The following ALDH1A2 variants were observed in gnomAD, a reference collection of about 807,000 sequenced individuals.
ALDH1A2 encodes retinal dehydrogenase 2.
Under a neutral mutation model 60.3 loss-of-function variants are expected in ALDH1A2, and 27 were observed. The ratio of observed to expected loss-of-function variants is 0.45; its 90% CI spans 0.33 to 0.62. The LOEUF is 0.62. Ranked by LOEUF, ALDH1A2 falls within the 20% of genes least tolerant of loss-of-function variation. The probability of loss-of-function intolerance (pLI) is 0.02; values close to 1 mark genes in which losing one functional copy is unlikely to be tolerated. For synonymous variants in ALDH1A2, 289 were observed against 232.4 expected, an observed-to-expected ratio of 1.24 and a Z score of -2.21; for missense variants, 581 against 643.8, an observed-to-expected ratio of 0.90 and a Z score of 1.06.
chr15:58,007,618 CATAG>C (rs1895502138), intron 4 of ALDH1A2, among the ~76,000 whole-genome samples: 2 of 151,972 alleles, frequency 1.3e-5, no homozygotes, highest in Non-Finnish European at 2.9e-5. Context: ...CACAGAATCA[CATAG>C]ATATTGTACA....
At chr15:57,981,325 C>CAG (rs1247787113) in intron 7 of ALDH1A2, among the ~76,000 whole-genome samples, 3 of 145,104 alleles carry the variant, frequency 2.1e-5, no homozygotes, top group African/African-American at 8.5e-5. Context: ...CACACACACA[C>CAG]ACAGACACAC....
intron 1 of ALDH1A2, among the ~76,000 whole-genome samples, chr15:58,023,257 T>A (rs1390171660): frequency 3.3e-5 from 5 of 152,186 alleles, no homozygotes; most frequent in Non-Finnish European, 7.3e-5. Context: ...GACAGGTCTT[T>A]TGAAATAATC....
chr15:58,030,782 T>A (rs531952209), intron 1 of ALDH1A2, among the ~76,000 whole-genome samples: 1 of 152,140 alleles, frequency 6.6e-6, no homozygotes, highest in African/African-American at 2.4e-5. Flanking sequence ...CCATTCATAA[T>A]TGCTAGAAAA....
intron 4 of ALDH1A2, among the ~76,000 whole-genome samples, chr15:57,996,663 T>A (rs1895075835): frequency 6.6e-6 from 1 of 151,988 alleles, no homozygotes; most frequent in South Asian, 2.1e-4. Flanking sequence ...AAGACTATCA[T>A]TACAAACATA....
At chr15:58,004,485 C>T (rs1188039566) in intron 4 of ALDH1A2, among the ~76,000 whole-genome samples, 1 of 151,728 alleles carries the variant, frequency 6.6e-6, no homozygotes, top group South Asian at 2.1e-4. Flanking sequence ...CACTCTCCCT[C>T]CTTTTGAAGG....
chr15:58,035,241 T>C (rs1368349727), intron 1 of ALDH1A2, among the ~76,000 whole-genome samples: 1 of 151,726 alleles, frequency 6.6e-6, no homozygotes, highest in Non-Finnish European at 1.5e-5. Flanking sequence ...GGCAAAGAGT[T>C]GTGTATAATA....
intron 7 of ALDH1A2, among the ~76,000 whole-genome samples, chr15:57,984,210 T>G (rs371200167): frequency 3.9e-5 from 6 of 152,200 alleles, no homozygotes; most frequent in African/African-American, 1.4e-4. Flanking sequence ...GTAACCCCTC[T>G]TAGCCACACT....
chr15:58,064,291 C>T (rs1430143352), intron 1 of ALDH1A2, among the ~76,000 whole-genome samples: 5 of 152,176 alleles, frequency 3.3e-5, no homozygotes, highest in African/African-American at 1.2e-4. Flanking sequence ...ATTAAAACGG[C>T]TTTGAAAAAT....
intron 1 of ALDH1A2, chr15:58,065,088 G>A (rs1769276974): frequency 7.7e-6 from 2 of 258,508 alleles, no homozygotes; most frequent in Admixed American, 5.2e-5. Context: ...CCGGGCTGTG[G>A]AGGACCTGAT....
At chr15:57,989,950 G>A (rs1894838477) in intron 7 of ALDH1A2, among the ~76,000 whole-genome samples, 2 of 53,446 alleles carry the variant, frequency 3.7e-5, no homozygotes, top group South Asian at 3.6e-4. Context: ...CCGAGATTGC[G>A]TCACTGCAGT....
chr15:57,992,778 T>C lies in ALDH1A2; in HGVS notation c.725A>G (p.Tyr242Cys). Reference sequence around the variant, plus strand: ...TATTGCTGCCCCAGCCGTTGGCCCATATCCTGGCAAAATATTGATGACCCC... The same window carrying C: ...TATTGCTGCCCCAGCCGTTGGCCCACATCCTGGCAAAATATTGATGACCCC... ...PPGVINILPGYGPTAGAAIAS... is the reference protein window; with the variant it reads ...PPGVINILPGCGPTAGAAIAS... Residue 242 changes from tyrosine to cysteine, a missense_variant, in exon 7 of 13, where the codon TAT becomes TGT. Tyr to Cys is a radical substitution (Grantham distance 194). Coordinates refer to ENST00000249750, the MANE Select transcript of ALDH1A2 (RefSeq NM_003888.4). 1 of 1,614,132 alleles carries C rather than the reference T, an allele frequency of 6.2e-7. No homozygotes were observed. Among genetic ancestry groups the C allele is most frequent in the South Asian group, 1.1e-5 (1 of 91,084 alleles).
intron 1 of ALDH1A2, among the ~76,000 whole-genome samples, chr15:58,043,275 G>A (rs904979872): frequency 2.6e-5 from 4 of 151,804 alleles, no homozygotes; most frequent in African/African-American, 7.3e-5. Flanking sequence ...TTTTCAATAC[G>A]GCACTTCAGA....
intron 1 of ALDH1A2, among the ~76,000 whole-genome samples, chr15:58,040,043 T>A (rs967134697): frequency 2.0e-5 from 3 of 151,888 alleles, no homozygotes; most frequent in Admixed American, 6.6e-5. Flanking sequence ...GGGAACAACA[T>A]TCACAAGCAC....
chr15:57,955,223 C>T lies in ALDH1A2; in HGVS notation c.1531G>A (p.Val511Ile). Reference sequence around the variant, plus strand: ...TAGGAGTTCTTCTGGGGGATCTTTACTGTCACCGTCTTAACTTCTGAGTAC... The same window carrying T: ...TAGGAGTTCTTCTGGGGGATCTTTATTGTCACCGTCTTAACTTCTGAGTAC... ...REYSEVKTVT[V>I]KIPQKNS is the part of the protein sequence containing the mutation. Residue 511 changes from valine (V) to isoleucine (I), a missense_variant, in exon 13 of 13, where the codon GTA becomes ATA. Physicochemically the swap from Val to Ile is conservative, Grantham distance 29 (BLOSUM62 3). This residue lies in a region of ALDH1A2 where 375 missense variants were observed against 469.7 expected (regional missense o/e 0.80). Coordinates refer to ENST00000249750, the MANE Select transcript of ALDH1A2 (RefSeq NM_003888.4). The T allele has an allele frequency of 6.2e-7, 1 of 1,614,130 alleles. No individual in the cohort carries two copies. Among genetic ancestry groups the T allele is most frequent in the Non-Finnish European group, 8.5e-7 (1 of 1,180,018 alleles).
intron 3 of ALDH1A2, among the ~76,000 whole-genome samples, chr15:58,012,898 G>C (rs1895675091): frequency 6.6e-6 from 1 of 152,066 alleles, no homozygotes; most frequent in African/African-American, 2.4e-5. Flanking sequence ...GACTGAACAA[G>C]GAAACCCTAA....
chr15:57,993,200 A>G, intron 5 of ALDH1A2, 127 bp from the exon 6 acceptor site: 1 of 1,158,988 alleles, frequency 8.6e-7, no homozygotes, highest in Non-Finnish European at 1.2e-6. Context: ...CAAAGTACAG[A>G]TGTTTGGATT....
At chr15:58,009,538 C>T (rs1398009996) in intron 4 of ALDH1A2, among the ~76,000 whole-genome samples, 1 of 151,152 alleles carries the variant, frequency 6.6e-6, no homozygotes, top group Admixed American at 6.7e-5. Context: ...AAGCAGACTG[C>T]CTTCTGGAGA....
At chr15:57,980,120 G>A (rs1894437338) in intron 7 of ALDH1A2, 3 of 296,332 alleles carry the variant, frequency 1.0e-5, no homozygotes, top group South Asian at 7.1e-5. Context: ...CAACTGGCTG[G>A]TACATTTGTT....
chr15:58,005,270 A>G (rs1895411010), intron 4 of ALDH1A2, among the ~76,000 whole-genome samples: 1 of 151,964 alleles, frequency 6.6e-6, no homozygotes, highest in Admixed American at 6.6e-5. Context: ...ATACTAGGAG[A>G]TGTCTCTCCT....
Sources: allele counts gnomAD v4.1 joint callset (sites outside exome capture counted in the v4.1 genomes callset), GRCh38; gene constraint gnomAD v4.1.1; regional missense constraint gnomAD v4.1.1; transcripts MANE v1.5; gene names NCBI Gene and HGNC (gene_info 2026-07-23, HGNC 2026-07-21).